Variants in TMEM43 observed in about 807,000 individuals in gnomAD.
TMEM43 encodes arrhythmogenic right ventricular dysplasia 5.
A neutral mutation model predicts 49.6 loss-of-function variants in TMEM43; 45 were observed. The ratio of observed to expected loss-of-function variants is 0.91; its 90% CI spans 0.71 to 1.16. TMEM43 has a LOEUF of 1.16. Among genes scored for constraint, TMEM43 ranks in the 50% most tolerant of loss-of-function variants. The probability of loss-of-function intolerance (pLI) is 0.00; values close to 1 mark genes in which losing one functional copy is unlikely to be tolerated. For missense variants in TMEM43, 532 were observed against 516.6 expected (o/e 1.03, Z -0.29); for synonymous variants, 199 against 207.8 (o/e 0.96, Z 0.36).
intron 3 of TMEM43, 55 bp from the exon 4 acceptor site, chr3:14,131,525 G>T: frequency 6.7e-7 from 1 of 1,484,600 alleles, no homozygotes; most frequent in South Asian, 1.2e-5. Context: ...CAGGCTTTCT[G>T]GGCTGACGTG....
chr3:14,125,433 C>T (rs1399716611), intron 1 of TMEM43, among the ~76,000 whole-genome samples: 1 of 152,228 alleles, frequency 6.6e-6, no homozygotes, highest in African/African-American at 2.4e-5. Flanking sequence ...TCGTCCTCGG[C>T]GTTCGTGCGG....
At chr3:14,131,823 A>G in intron 4 of TMEM43, 149 bp downstream of exon 4, 1 of 707,784 alleles carries the variant, frequency 1.4e-6, no homozygotes, top group Non-Finnish European at 2.5e-6. Context: ...TCCCCAAATT[A>G]ATAGCCAGTG....
intron 5 of TMEM43, 87 bp downstream of exon 5, chr3:14,132,682 G>A (rs1695113471): frequency 1.3e-6 from 2 of 1,520,790 alleles, no homozygotes; most frequent in East Asian, 4.5e-5. Context: ...TGGGGCCATG[G>A]GAAGGATTCA....
At chr3:14,125,330 C>G (rs1695003766) in intron 1 of TMEM43, 125 bp downstream of exon 1, 1 of 1,190,778 alleles carries the variant, frequency 8.4e-7, no homozygotes, top group Non-Finnish European at 1.2e-6. Context: ...CCGCATCTCC[C>G]TCTGCTCGCC....
At chr3:14,130,635 G>A (rs1574937175) in intron 2 of TMEM43, among the ~76,000 whole-genome samples, 187 bp from the exon 3 acceptor site, 1 of 152,240 alleles carries the variant, frequency 6.6e-6, no homozygotes, top group East Asian at 1.9e-4. Flanking sequence ...AAGTCTCCCT[G>A]GGAAAGCAGG....
rs140340693 is a variant in TMEM43 at position 14,139,741 on chromosome 3, T to C, written c.1000+444T>C. 5.8e-3 allele frequency among the ~76,000 whole-genome samples: 885 copies of C among 152,192 alleles called. 9 individuals carry two copies. The highest frequency in any genetic ancestry group is 0.02 in the African/African-American group (848 of 41,512). On this transcript the variant is annotated intron_variant, in intron 11 of 11. Coordinates refer to ENST00000306077, the MANE Select transcript of TMEM43 (RefSeq NM_024334.3). ...GCAGAGTTTTATGAAATGTGGCAAATAGGAAACACCCAAAACTCTCATGCT... is the reference window on the plus strand; with the variant it reads ...GCAGAGTTTTATGAAATGTGGCAAACAGGAAACACCCAAAACTCTCATGCT...
In TMEM43 at chr3:14,135,031, A is replaced by G. The variant is rs1437613593; in HGVS notation, c.706-127A>G. On this transcript the variant is annotated intron_variant, in intron 8 of 11. Transcript: ENST00000306077. ...CTGAGTGGGAGAGGCCCTCTGGGTG[A>G]CGGCACAGCCTGGGCACGGGTGTGG... The G allele has an allele frequency of 4.4e-5, 66 of 1,499,116 alleles. No individual in the cohort carries two copies. The East Asian group carries it at 1.3e-3, about 29-fold the overall frequency. The allele number at this position is 1,499,116 out of a possible 1,614,324, so 92.9% of individuals were successfully genotyped here.
In TMEM43 at chr3:14,141,845, C is replaced by T. The variant is rs911879585; in HGVS notation, c.*50C>T. On this transcript the variant is annotated 3_prime_UTR_variant, in exon 12 of 12. Transcript: ENST00000306077. ...CCTGCGTGAGCCCTAGGATCCAGGTCCTCTCTCACCTCTGACCCAGCTCCA... is the reference window on the plus strand; with the variant it reads ...CCTGCGTGAGCCCTAGGATCCAGGTTCTCTCTCACCTCTGACCCAGCTCCA... 3.2e-6 allele frequency: 5 copies of T among 1,547,384 alleles called. No homozygotes were observed. The highest frequency in any genetic ancestry group is 1.4e-5 in the African/African-American group (1 of 73,402).
At chr3:14,129,638 C>A in intron 2 of TMEM43, 77 bp downstream of exon 2, 1 of 1,540,874 alleles carries the variant, frequency 6.5e-7, no homozygotes, top group Non-Finnish European at 9.0e-7. Context: ...AACCCGGAGG[C>A]TGGATTTGGT....
rs576730863 is a variant in TMEM43 at position 14,130,116 on chromosome 3, CTT to C, written c.162+557_162+558del. On this transcript the variant is annotated intron_variant, in intron 2 of 11. Coordinates refer to ENST00000306077, the MANE Select transcript of TMEM43 (RefSeq NM_024334.3). ...TGTTTCTTTCTTTCTCTCCCTCTCT[CTT>C]TCTTTTTCTCCTTTTTTTTAATAGG... Among the ~76,000 whole-genome samples the C allele has an allele frequency of 2.2e-4, 33 of 146,802 alleles. No individual in the cohort carries two copies. In the South Asian group the frequency reaches 6.5e-3, roughly 29 times the overall value.
At chr3:14,129,334 A>AAAAAT in intron 1 of TMEM43, 78 bp from the exon 2 acceptor site, 3 of 849,714 alleles carry the variant, frequency 3.5e-6, no homozygotes, top group African/African-American at 1.9e-5. Context: ...AAAAAAAAAA[A>AAAAAT]TTGAGTATAA....
chr3:14,135,728 C>T (rs752579452), intron 9 of TMEM43, 79 bp from the exon 10 acceptor site: 137 of 1,274,460 alleles, frequency 1.1e-4, no homozygotes, highest in Non-Finnish European at 8.1e-5. Context: ...CACCCAGTCC[C>T]GGGAGGGTGG....
intron 1 of TMEM43, among the ~76,000 whole-genome samples, chr3:14,127,937 T>C (rs1203539613): frequency 6.6e-6 from 1 of 152,194 alleles, no homozygotes; most frequent in Non-Finnish European, 1.5e-5. Flanking sequence ...TTTGTGACTT[T>C]TGTCAGCTCA....
chr3:14,130,206 G>A (rs1431896192), intron 2 of TMEM43, among the ~76,000 whole-genome samples: 1 of 151,874 alleles, frequency 6.6e-6, no homozygotes, highest in Non-Finnish European at 1.5e-5. Context: ...CCATCTCTCA[G>A]TGTCCTGGCT....
At chr3:14,129,007 G>A (rs1259215898) in intron 1 of TMEM43, 8 of 454,642 alleles carry the variant, frequency 1.8e-5, no homozygotes, top group Admixed American at 1.2e-4. Flanking sequence ...AGTGCTCTGA[G>A]TCCAAGAAGC....
intron 8 of TMEM43, 121 bp from the exon 9 acceptor site, chr3:14,135,037 C>A: frequency 6.7e-7 from 1 of 1,491,496 alleles, no homozygotes; most frequent in Non-Finnish European, 9.3e-7. Context: ...GGTGACGGCA[C>A]AGCCTGGGCA....
chr3:14,132,670 G>T, intron 5 of TMEM43, 75 bp downstream of exon 5: 1 of 1,554,536 alleles, frequency 6.4e-7, no homozygotes, highest in Non-Finnish European at 8.9e-7. Flanking sequence ...CAGGGCTGTT[G>T]GTGGGGCCAT....
intron 2 of TMEM43, among the ~76,000 whole-genome samples, chr3:14,129,877 T>C (rs1022189159): frequency 3.3e-5 from 5 of 152,216 alleles, no homozygotes; most frequent in Admixed American, 1.3e-4. Flanking sequence ...TTCTCTATTA[T>C]GGTGTTTTTC....
At position 14,133,328 on chromosome 3, in the gene TMEM43, G is replaced by A. The variant is rs981765871; in HGVS notation, c.512+393G>A. On this transcript the variant is annotated intron_variant, in intron 6 of 11. Coordinates refer to ENST00000306077, the MANE Select transcript of TMEM43 (RefSeq NM_024334.3). ...AGGTTAGCTCCACGGCATGCCAGTG[G>A]TGAGGCGGGCATAACACTTGGGTGT... Among the ~76,000 whole-genome samples, 6 of 152,218 alleles carry A rather than the reference G, an allele frequency of 3.9e-5. No homozygotes were observed. The East Asian group carries it at 1.2e-3, about 29-fold the overall frequency.
Sources: allele counts gnomAD v4.1 joint callset (sites outside exome capture counted in the v4.1 genomes callset), GRCh38; gene constraint gnomAD v4.1.1; transcripts MANE v1.5; gene names NCBI Gene and HGNC (gene_info 2026-07-23, HGNC 2026-07-21).